ADAMTS6: variants seen among roughly 807,000 people sequenced by gnomAD.
The protein encoded by ADAMTS6 is ADAM metallopeptidase with thrombospondin type 1 motif 6.
In ADAMTS6, 23 loss-of-function variants were observed where a neutral mutation model predicts 144.3. The ratio of observed to expected loss-of-function variants is 0.16; its 90% confidence interval spans 0.11 to 0.23. The LOEUF (loss-of-function observed/expected upper bound fraction) is 0.23, where lower values mean the gene tolerates loss of function less well. Among genes scored for constraint, ADAMTS6 ranks in the 10% least tolerant of loss-of-function variants. The probability of loss-of-function intolerance (pLI) is 1.00; values close to 1 mark genes in which losing one functional copy is unlikely to be tolerated. For missense variants in ADAMTS6, 999 were observed against 1,379.6 expected, an observed-to-expected ratio of 0.72 and a Z score of 4.37; for synonymous variants, 444 against 457.5, an observed-to-expected ratio of 0.97 and a Z score of 0.38.
At chr5:65,392,465 C>A (rs6867263) in intron 7 of ADAMTS6, among the ~76,000 whole-genome samples, 2 of 152,104 alleles carry the variant, frequency 1.3e-5, no homozygotes, top group South Asian at 4.1e-4. Context: ...ACCTCTCTTC[C>A]TCATCTATTT....
chr5:65,252,623 T>C (rs1478162485), intron 14 of ADAMTS6, among the ~76,000 whole-genome samples: 3 of 151,422 alleles, frequency 2.0e-5, no homozygotes, highest in Admixed American at 2.0e-4. Context: ...TTTTTAGTTT[T>C]GATTTTAATA....
At chr5:65,415,148 TAACTC>T (rs999045401) in intron 7 of ADAMTS6, among the ~76,000 whole-genome samples, 5 of 152,096 alleles carry the variant, frequency 3.3e-5, no homozygotes, top group African/African-American at 1.2e-4. Flanking sequence ...AAAAGGCAAA[TAACTC>T]AATCAAGAAA....
chr5:65,419,079 C>A (rs546116434), intron 7 of ADAMTS6, among the ~76,000 whole-genome samples: 1 of 152,030 alleles, frequency 6.6e-6, no homozygotes, highest in Non-Finnish European at 1.5e-5. Context: ...ACCTTTCTAC[C>A]AAAAAGACAC....
intron 9 of ADAMTS6, among the ~76,000 whole-genome samples, chr5:65,327,538 CAA>C (rs138409276): frequency 0.021 from 3,220 of 152,000 alleles, 104 homozygotes; most frequent in African/African-American, 0.073. Flanking sequence ...TACTTTCAAA[CAA>C]GAGTTAACTG....
At chr5:65,251,855 T>G (rs560374377) in intron 14 of ADAMTS6, 2 of 152,232 alleles carry the variant, frequency 1.3e-5, no homozygotes, top group Admixed American at 1.3e-4. Flanking sequence ...TCTATCTCTG[T>G]GGATCTTTTC....
intron 10 of ADAMTS6, chr5:65,297,293 A>G (rs1356068356): frequency 1.5e-5 from 7 of 455,148 alleles, no homozygotes; most frequent in Non-Finnish European, 3.1e-5. Context: ...TGATTGATCA[A>G]TAGCATCTAG....
intron 13 of ADAMTS6, among the ~76,000 whole-genome samples, chr5:65,262,008 G>C (rs997029925): frequency 6.6e-6 from 1 of 151,988 alleles, no homozygotes; most frequent in Admixed American, 6.6e-5. Context: ...AGCTGGGAAA[G>C]AAGGTCCTCA....
intron 3 of ADAMTS6, among the ~76,000 whole-genome samples, chr5:65,470,470 G>A (rs1353041639): frequency 1.3e-5 from 2 of 152,058 alleles, no homozygotes; most frequent in Non-Finnish European, 2.9e-5. Context: ...AAAAATGACT[G>A]AGTTTTGTTT....
At position 65,403,916 on chromosome 5, in the gene ADAMTS6, T is replaced by C. The variant is rs1754180898; in HGVS notation, c.1073+47559A>G. 2.0e-5 allele frequency among the ~76,000 whole-genome samples: 3 copies of C among 152,086 alleles called. No homozygotes were observed. In the South Asian group the frequency reaches 6.2e-4, roughly 32 times the overall value. On this transcript the variant is annotated intron_variant, in intron 7 of 24. Coordinates refer to ENST00000381055, the MANE Select transcript of ADAMTS6 (RefSeq NM_197941.4). ...CAAGAATCTTGTATGTTCACTCCTA[T>C]ATTTCAGTGCATAGAATGCACAGAA...
intron 7 of ADAMTS6, among the ~76,000 whole-genome samples, chr5:65,356,162 T>A (rs116367937): frequency 6.6e-6 from 1 of 151,992 alleles, no homozygotes; most frequent in East Asian, 1.9e-4. Flanking sequence ...TTCAATGTAT[T>A]TCATACATTC....
At chr5:65,201,688 G>A in intron 20 of ADAMTS6, among the ~76,000 whole-genome samples, 1 of 152,154 alleles carries the variant, frequency 6.6e-6, no homozygotes, top group East Asian at 1.9e-4. Flanking sequence ...GAATTGATGG[G>A]CTAACCAACA....
At chr5:65,234,378 A>G (rs1002232785) in intron 15 of ADAMTS6, among the ~76,000 whole-genome samples, 2 of 149,600 alleles carry the variant, frequency 1.3e-5, no homozygotes, top group African/African-American at 2.5e-5. Flanking sequence ...CCCAAAACAT[A>G]TAAGGAACTC....
intron 7 of ADAMTS6, among the ~76,000 whole-genome samples, chr5:65,420,609 A>G (rs1309253740): frequency 2.0e-5 from 3 of 152,092 alleles, no homozygotes; most frequent in Non-Finnish European, 4.4e-5. Context: ...TGAAACTCCC[A>G]ACCTCAGGTG....
chr5:65,453,376 T>C (rs866864285), intron 4 of ADAMTS6, among the ~76,000 whole-genome samples: 1 of 152,238 alleles, frequency 6.6e-6, no homozygotes. Context: ...TAAAATAAGA[T>C]GCTTTCATCA....
At chr5:65,442,163 A>G (rs1479711803) in intron 7 of ADAMTS6, among the ~76,000 whole-genome samples, 7 of 151,984 alleles carry the variant, frequency 4.6e-5, no homozygotes, top group African/African-American at 1.7e-4. Flanking sequence ...TTAGAAAAAG[A>G]CAAAAGACAA....
At chr5:65,379,937 G>A (rs938861458) in intron 7 of ADAMTS6, among the ~76,000 whole-genome samples, 15 of 151,788 alleles carry the variant, frequency 9.9e-5, no homozygotes, top group Admixed American at 2.6e-4. Context: ...TTTATTTCTC[G>A]AATTCCTAAT....
chr5:65,384,080 C>T (rs1752282151), intron 7 of ADAMTS6, among the ~76,000 whole-genome samples: 1 of 152,138 alleles, frequency 6.6e-6, no homozygotes, highest in African/African-American at 2.4e-5. Flanking sequence ...GTGGGGCAAC[C>T]CCAAAGATTA....
intron 7 of ADAMTS6, among the ~76,000 whole-genome samples, chr5:65,350,117 T>C (rs1340384786): frequency 6.6e-6 from 1 of 152,162 alleles, no homozygotes; most frequent in African/African-American, 2.4e-5. Context: ...GAATGCCCTT[T>C]GAGCTCTTTG....
intron 9 of ADAMTS6, among the ~76,000 whole-genome samples, chr5:65,310,132 T>C (rs1260592613): frequency 6.6e-6 from 1 of 151,810 alleles, no homozygotes; most frequent in Non-Finnish European, 1.5e-5. Context: ...CTCTTGCTCC[T>C]GCTCCCGCCA....
Sources: gnomAD v4.1 joint callset for allele counts (sites outside exome capture counted in the v4.1 genomes callset) on GRCh38, gnomAD v4.1.1 for gene constraint, MANE v1.5 for transcripts, NCBI Gene and HGNC (gene_info 2026-07-23, HGNC 2026-07-21) for gene names.